ARHGAP21: variants seen among roughly 807,000 people sequenced by gnomAD.
ARHGAP21 encodes the protein rho GTPase-activating protein 21.
ARHGAP21 carries 38 observed loss-of-function variants against 164.6 expected under a neutral mutation model. That is an observed-to-expected ratio of 0.23 (90% CI 0.18 to 0.30). The LOEUF (loss-of-function observed/expected upper bound fraction) is 0.30, where lower values mean the gene tolerates loss of function less well. ARHGAP21 is among the 10% of genes least tolerant of loss of function. ARHGAP21 has a pLI of 1.00. For missense variants in ARHGAP21, 1,822 were observed against 2,370.7 expected, an observed-to-expected ratio of 0.77 and a Z score of 4.81; for synonymous variants, 766 against 857.9, an observed-to-expected ratio of 0.89 and a Z score of 1.87.
chr10:24,596,341 G>A (rs1422582774), intron 17 of ARHGAP21: 3 of 431,606 alleles, frequency 7.0e-6, no homozygotes, highest in African/African-American at 4.1e-5. Context: ...AAAGAGTCAA[G>A]AAAAGAGGAG....
intron 4 of ARHGAP21, among the ~76,000 whole-genome samples, chr10:24,636,466 T>G (rs955510054): frequency 6.6e-6 from 1 of 152,186 alleles, no homozygotes; most frequent in African/African-American, 2.4e-5. Context: ...TCCTGACCCT[T>G]AAAGAAGAAT....
intron 2 of ARHGAP21, among the ~76,000 whole-genome samples, chr10:24,671,884 ATTTTTTTTTTT>A (rs35692163): frequency 1.6e-4 from 13 of 82,542 alleles, no homozygotes; most frequent in African/African-American, 4.4e-4. Flanking sequence ...CATCAAGCTA[ATTTTTTTTTTT>A]TTTTTTTTTT....
At chr10:24,604,107 C>A (rs1218558379) in intron 12 of ARHGAP21, among the ~76,000 whole-genome samples, 2 of 152,008 alleles carry the variant, frequency 1.3e-5, no homozygotes. Flanking sequence ...AAGCATACAA[C>A]AAAATACAAA....
chr10:24,619,371 C>A (rs1834316899), intron 9 of ARHGAP21, 102 bp downstream of exon 9: 18 of 1,147,708 alleles, frequency 1.6e-5, no homozygotes, highest in Non-Finnish European at 2.1e-5. Context: ...ATTTTAAAAT[C>A]ACAGTGTAAG....
At chr10:24,596,111 A>C in intron 17 of ARHGAP21, 68 bp from the exon 18 acceptor site, 1 of 1,328,298 alleles carries the variant, frequency 7.5e-7, no homozygotes, top group Non-Finnish European at 1.0e-6. Flanking sequence ...TATCACAGCT[A>C]AAATGCCCCT....
intron 9 of ARHGAP21, among the ~76,000 whole-genome samples, chr10:24,612,157 T>C (rs948386242): frequency 3.3e-5 from 5 of 152,220 alleles, no homozygotes; most frequent in East Asian, 1.9e-4. Flanking sequence ...ATTTTCAGCA[T>C]AGACCATGGC....
In ARHGAP21 at chr10:24,595,104, A is replaced by C. The variant is rs1406988724; in HGVS notation, c.3786+13T>G. ...TTTTAGTTGTATCCCCCAAAATATA[A>C]AATAATACCTACTAGTCTTTTTAAT... On this transcript the variant is annotated intron_variant, in intron 20 of 25. Coordinates refer to ENST00000396432, the MANE Select transcript of ARHGAP21 (RefSeq NM_020824.4). 6.2e-7 allele frequency: 1 copy of C among 1,606,900 alleles called. No homozygotes were observed. Among genetic ancestry groups the C allele is most frequent in the Non-Finnish European group, 8.5e-7 (1 of 1,176,690 alleles).
chr10:24,709,125 A>T (rs1458993742), intron 2 of ARHGAP21, among the ~76,000 whole-genome samples: 2 of 152,210 alleles, frequency 1.3e-5, no homozygotes, highest in Non-Finnish European at 2.9e-5. Context: ...AACTATTATG[A>T]ACAGCAATTA....
At chr10:24,602,173 GC>G in intron 12 of ARHGAP21, 70 bp from the exon 13 acceptor site, 1 of 1,505,638 alleles carries the variant, frequency 6.6e-7, no homozygotes. Flanking sequence ...CATGGAAACT[GC>G]TTTGTGGAAA....
chr10:24,688,114 G>A (rs1014908731), intron 2 of ARHGAP21, among the ~76,000 whole-genome samples: 2 of 152,242 alleles, frequency 1.3e-5, no homozygotes, highest in African/African-American at 4.8e-5. Flanking sequence ...TTGGTGGCCA[G>A]GTGGAGTGGC....
chr10:24,627,292 T>C (rs745418850), intron 7 of ARHGAP21, among the ~76,000 whole-genome samples: 1 of 152,178 alleles, frequency 6.6e-6, no homozygotes, highest in Non-Finnish European at 1.5e-5. Context: ...TTCAACCTCA[T>C]GGGAACAAAT....
chr10:24,603,409 GAGA>G (rs745898003), intron 12 of ARHGAP21, among the ~76,000 whole-genome samples: 31 of 152,210 alleles, frequency 2.0e-4, no homozygotes, highest in Non-Finnish European at 4.3e-4. Flanking sequence ...TGTGTGGGCT[GAGA>G]AGAAGTAGAA....
chr10:24,610,656 T>C (rs1565006585), intron 9 of ARHGAP21, among the ~76,000 whole-genome samples: 1 of 152,248 alleles, frequency 6.6e-6, no homozygotes, highest in Non-Finnish European at 1.5e-5. Context: ...TTTCTATTTA[T>C]TATTCGTATC....
rs768258625 is a variant in ARHGAP21 at position 24,595,909 on chromosome 10, A to C, written c.3612T>G (p.Ala1204=). The change falls in exon 18 of 26, where the codon GCT becomes GCG. Residue 1204 remains alanine (A), a synonymous_variant. Coordinates refer to ENST00000396432, the MANE Select transcript of ARHGAP21 (RefSeq NM_020824.4). ...TTACATCATCTTGTATATCAATATC[A>C]GCCATTCCCTTGTTGAGTTCTTCTT... ...SMQEELNKGM[A]DIDIQDDKWR... 1 of 1,612,938 alleles carries C rather than the reference A, an allele frequency of 6.2e-7. No homozygotes were observed. The highest frequency in any genetic ancestry group is 1.7e-5 in the Admixed American group (1 of 59,904).
chr10:24,626,037 T>C (rs1835108661), intron 7 of ARHGAP21, among the ~76,000 whole-genome samples: 1 of 152,180 alleles, frequency 6.6e-6, no homozygotes, highest in Non-Finnish European at 1.5e-5. Context: ...TTCCTTATTA[T>C]ACCAGACATG....
At chr10:24,598,811 T>C (rs1037183974) in intron 14 of ARHGAP21, among the ~76,000 whole-genome samples, 2 of 152,210 alleles carry the variant, frequency 1.3e-5, no homozygotes, top group Non-Finnish European at 2.9e-5. Flanking sequence ...TGAGAGATCA[T>C]ATGATTAAGA....
chr10:24,705,884 C>T (rs551281517), intron 2 of ARHGAP21, among the ~76,000 whole-genome samples: 2 of 152,032 alleles, frequency 1.3e-5, no homozygotes, highest in Non-Finnish European at 2.9e-5. Context: ...CGATTAACAA[C>T]AAAGGTCTGA....
intron 11 of ARHGAP21, among the ~76,000 whole-genome samples, chr10:24,607,004 A>G (rs1453784073): frequency 6.6e-6 from 1 of 152,222 alleles, no homozygotes; most frequent in Non-Finnish European, 1.5e-5. Flanking sequence ...GTCTATTAAT[A>G]TAGAGTATTG....
intron 2 of ARHGAP21, among the ~76,000 whole-genome samples, chr10:24,713,600 C>A (rs1845062192): frequency 6.6e-6 from 1 of 151,094 alleles, no homozygotes; most frequent in African/African-American, 2.4e-5. Flanking sequence ...TAGAAGAGGA[C>A]TTATAAAACA....
Sources: gnomAD v4.1 joint callset for allele counts (sites outside exome capture counted in the v4.1 genomes callset) on GRCh38, gnomAD v4.1.1 for gene constraint, MANE v1.5 for transcripts, NCBI Gene and HGNC (gene_info 2026-07-23, HGNC 2026-07-21) for gene names.